Variants in PKNOX1 observed in about 807,000 individuals in gnomAD.
PKNOX1 encodes the protein homeobox protein PKNOX1.
PKNOX1 carries 15 observed loss-of-function variants against 51.9 expected under a neutral mutation model. That is an observed-to-expected ratio of 0.29 (90% confidence interval 0.19 to 0.45). The LOEUF is 0.45. Ranked by LOEUF, PKNOX1 falls within the 20% of genes least tolerant of loss-of-function variation. PKNOX1 has a pLI of 1.00. For missense variants in PKNOX1, 462 were observed against 547.5 expected, an observed-to-expected ratio of 0.84 and a Z score of 1.56; for synonymous variants, 219 against 211.1, an observed-to-expected ratio of 1.04 and a Z score of -0.32.
Position 43,021,555 on chromosome 21 carries a change from T to A in PKNOX1, c.849+124T>A. ...AATCAAAGGCCTGACTTTCAGGACTTTGTGGCATGTCCATAATGTGGGGAG... is the reference window on the plus strand; with the variant it reads ...AATCAAAGGCCTGACTTTCAGGACTATGTGGCATGTCCATAATGTGGGGAG... On this transcript the variant is annotated intron_variant, in intron 8 of 10. Coordinates refer to ENST00000291547, the MANE Select transcript of PKNOX1 (RefSeq NM_004571.5). The surrounding 1 kb of genome is among the most constrained non-coding windows in gnomAD (Gnocchi z 4.6). 8.6e-7 allele frequency: 1 copy of A among 1,165,818 alleles called. No homozygotes were observed. The highest frequency in any genetic ancestry group is 1.2e-6 in the Non-Finnish European group (1 of 839,654). The allele number at this position is 1,165,818 out of a possible 1,614,324, so 72.2% of individuals were successfully genotyped here.
intron 1 of PKNOX1, among the ~76,000 whole-genome samples, chr21:43,002,620 G>A (rs942727552): frequency 4.6e-5 from 7 of 152,242 alleles, no homozygotes; most frequent in Admixed American, 6.5e-5. Flanking sequence ...GATTTTGTGA[G>A]GGCAGATTGC....
intron 1 of PKNOX1, among the ~76,000 whole-genome samples, chr21:42,987,671 T>C (rs2059061949): frequency 6.8e-6 from 1 of 146,700 alleles, no homozygotes; most frequent in South Asian, 2.1e-4. Flanking sequence ...CGGGCTGGAG[T>C]GCAGTGGCGC....
chr21:43,010,618 G>A (rs8134218), intron 4 of PKNOX1, among the ~76,000 whole-genome samples: 1 of 151,926 alleles, frequency 6.6e-6, no homozygotes, highest in South Asian at 2.1e-4. Flanking sequence ...TTGGGAGGCC[G>A]AGGTGGGCAG....
chr21:42,981,551 T>A (rs188026823), intron 1 of PKNOX1, among the ~76,000 whole-genome samples: 64 of 151,676 alleles, frequency 4.2e-4, no homozygotes, highest in Middle Eastern at 3.4e-3. Context: ...TTATTTATTT[T>A]ATTTAATTTT....
At chr21:43,020,797 A>G (rs1979716430) in intron 7 of PKNOX1, among the ~76,000 whole-genome samples, 1 of 152,218 alleles carries the variant, frequency 6.6e-6, no homozygotes, top group Non-Finnish European at 1.5e-5. Context: ...AGGTGGGAAC[A>G]GGTGGTGGGT....
chr21:43,015,701 T>C lies in PKNOX1; in HGVS notation c.523-1207T>C, dbSNP rs577491310. ...TAGAATTGATCTATTTCACCTAAGA[T>C]GTTAAATTTAGGAGTTTAGAGTTGG... On this transcript the variant is annotated intron_variant, in intron 5 of 10. Transcript: ENST00000291547. Among the ~76,000 whole-genome samples the C allele has an allele frequency of 3.9e-5, 6 of 152,332 alleles. No individual in the cohort carries two copies. In the East Asian group the frequency reaches 9.6e-4, roughly 24 times the overall value.
At chr21:43,003,458 G>A (rs770973235) in intron 1 of PKNOX1, among the ~76,000 whole-genome samples, 3 of 152,136 alleles carry the variant, frequency 2.0e-5, no homozygotes, top group Non-Finnish European at 2.9e-5. Context: ...CTCCCTGAGC[G>A]CCTCTTTTCC....
intron 1 of PKNOX1, among the ~76,000 whole-genome samples, chr21:42,989,548 A>G (rs1158989875): frequency 2.6e-5 from 4 of 151,982 alleles, no homozygotes; most frequent in Non-Finnish European, 4.4e-5. Context: ...CCTCCCGAGT[A>G]GCTGGGATTA....
chr21:43,014,822 C>T (rs1293233837), intron 5 of PKNOX1, among the ~76,000 whole-genome samples: 1 of 152,210 alleles, frequency 6.6e-6, no homozygotes, highest in African/African-American at 2.4e-5. Flanking sequence ...CCTGTGATTC[C>T]TTTTCAAAAT....
chr21:43,021,520 G>A lies in PKNOX1; in HGVS notation c.849+89G>A. On this transcript the variant is annotated intron_variant, in intron 8 of 10. Transcript: ENST00000291547. The surrounding 1 kb of genome is among the most constrained non-coding windows in gnomAD (Gnocchi z 4.6). ...TGTCATGGAAAAGGGTTACTTCTCTGGGCTCAGAAAATCAAAGGCCTGACT... is the reference window on the plus strand; with the variant it reads ...TGTCATGGAAAAGGGTTACTTCTCTAGGCTCAGAAAATCAAAGGCCTGACT... 2.1e-6 allele frequency: 3 copies of A among 1,422,158 alleles called. No individual in the cohort carries two copies. The highest frequency in any genetic ancestry group is 1.9e-6 in the Non-Finnish European group (2 of 1,059,890). 88.1% of individuals were successfully genotyped at this position (1,422,158 alleles called of 1,614,324 possible). A position where few individuals can be genotyped will look rare whatever the true frequency, so the allele number is the denominator to read the frequency against.
intron 2 of PKNOX1, among the ~76,000 whole-genome samples, chr21:43,006,146 CAG>C (rs1484748484): frequency 6.6e-6 from 1 of 151,806 alleles, no homozygotes; most frequent in African/African-American, 2.4e-5. Context: ...TATTTTGAGA[CAG>C]AGTCTTGCTC....
intron 1 of PKNOX1, among the ~76,000 whole-genome samples, chr21:42,978,683 C>T (rs553786278): frequency 2.6e-5 from 4 of 151,930 alleles, no homozygotes; most frequent in South Asian, 2.1e-4. Flanking sequence ...AGGGTTTCGC[C>T]GTATTGGCCA....
chr21:42,988,319 G>A (rs1489094574), intron 1 of PKNOX1, among the ~76,000 whole-genome samples: 2 of 152,168 alleles, frequency 1.3e-5, no homozygotes, highest in Non-Finnish European at 2.9e-5. Context: ...AAACTGCTGG[G>A]ATTACAGGCG....
intron 3 of PKNOX1, 43 bp from the exon 4 acceptor site, chr21:43,010,010 G>A: frequency 1.5e-6 from 2 of 1,298,862 alleles, no homozygotes; most frequent in East Asian, 4.9e-5. Context: ...TTCTCACGGA[G>A]ATGTAGAACG....
At chr21:42,994,836 T>G (rs990051221) in intron 1 of PKNOX1, among the ~76,000 whole-genome samples, 3 of 152,080 alleles carry the variant, frequency 2.0e-5, no homozygotes, top group African/African-American at 7.2e-5. Flanking sequence ...TTCCTTAAGT[T>G]GTCTTTTACA....
At chr21:43,022,215 GCCT>G (rs1456632785) in intron 8 of PKNOX1, among the ~76,000 whole-genome samples, 2 of 152,188 alleles carry the variant, frequency 1.3e-5, no homozygotes, top group Non-Finnish European at 2.9e-5. Context: ...CTGTGTCCCA[GCCT>G]CCTCCTCCTC....
Position 43,021,242 on chromosome 21 carries a change from T to C in PKNOX1, c.721-61T>C. 3.6e-6 allele frequency: 5 copies of C among 1,401,138 alleles called. No homozygotes were observed. The highest frequency in any genetic ancestry group is 1.3e-5 in the South Asian group (1 of 75,174). The allele number at this position is 1,401,138 out of a possible 1,614,324, so 86.8% of individuals were successfully genotyped here. A position where few individuals can be genotyped will look rare whatever the true frequency, so the allele number is the denominator to read the frequency against. On this transcript the variant is annotated intron_variant, in intron 7 of 10. Transcript: ENST00000291547. This position sits in a 1 kb window ranked among gnomAD's most constrained non-coding sequence, Gnocchi z 4.6. ...TGGCTGTTTTCTCCACCTGCAGTTG[T>C]AAGTACTTGGATATGTGAGAATTTC...
chr21:43,018,338 G>A, intron 7 of PKNOX1, 108 bp downstream of exon 7: 2 of 665,052 alleles, frequency 3.0e-6, no homozygotes. Context: ...TTTGTCTTGT[G>A]TAGCAATTTC....
rs778829093 is a variant in PKNOX1, at chr21:43,010,236, A to T, written c.351+12A>T. On this transcript the variant is annotated intron_variant, in intron 4 of 10. Transcript: ENST00000291547. ...AAACTGATAATTTAGTAAGTAAAAT[A>T]AATTTTATTTTTAGTTTTCAAAATG... 3 of 1,413,608 alleles carry T rather than the reference A, an allele frequency of 2.1e-6. No homozygotes were observed. In the East Asian group the frequency reaches 7.2e-5, roughly 34 times the overall value. The allele number at this position is 1,413,608 out of a possible 1,614,324, so 87.6% of individuals were successfully genotyped here. A position where few individuals can be genotyped will look rare whatever the true frequency, so the allele number is the denominator to read the frequency against.
Sources: gnomAD v4.1 joint callset for allele counts (sites outside exome capture counted in the v4.1 genomes callset) on GRCh38, gnomAD v4.1.1 for gene constraint, Gnocchi (gnomAD v3.1) non-coding constraint, MANE v1.5 for transcripts, NCBI Gene and HGNC (gene_info 2026-07-23, HGNC 2026-07-21) for gene names.